Variants in SUGCT observed in about 807,000 individuals in gnomAD.
SUGCT encodes the protein succinyl-CoA:glutarate CoA-transferase.
A neutral mutation model predicts 55.0 loss-of-function variants in SUGCT; 41 were observed. That is an observed-to-expected ratio of 0.74 (90% CI 0.58 to 0.97). The LOEUF (loss-of-function observed/expected upper bound fraction) is 0.97, where lower values mean the gene tolerates loss of function less well. Among genes scored for constraint, SUGCT ranks in the 50% least tolerant of loss-of-function variants. The probability of loss-of-function intolerance (pLI) is 0.00; values close to 1 mark genes in which losing one functional copy is unlikely to be tolerated. For synonymous variants in SUGCT, 187 were observed against 200.4 expected (o/e 0.93, Z 0.56); for missense variants, 568 against 547.8 (o/e 1.04, Z -0.37).
chr7:40,624,135 G>T (rs76616295), intron 12 of SUGCT, among the ~76,000 whole-genome samples: 1 of 152,078 alleles, frequency 6.6e-6, no homozygotes, highest in Non-Finnish European at 1.5e-5. Context: ...GAAGGAGAAC[G>T]TTGCTTCCCT....
chr7:40,382,015 C>G (rs11766930), intron 9 of SUGCT, among the ~76,000 whole-genome samples: 72,732 of 146,414 alleles, frequency 0.5, 17,596 homozygotes, highest in South Asian at 0.61. Context: ...GTGTGTGTGT[C>G]TGTGTGTGTG....
chr7:40,342,199 C>A (rs937511201), intron 9 of SUGCT, among the ~76,000 whole-genome samples: 4 of 152,206 alleles, frequency 2.6e-5, no homozygotes, highest in African/African-American at 9.7e-5. Context: ...TTTTGAACCT[C>A]TCTAATTGTC....
intron 9 of SUGCT, among the ~76,000 whole-genome samples, chr7:40,347,711 T>C (rs557003079): frequency 2.6e-5 from 4 of 152,362 alleles, no homozygotes; most frequent in African/African-American, 7.2e-5. Flanking sequence ...AGTTTAGTTA[T>C]AGCTGTTGAT....
chr7:40,148,220 T>G (rs1788367465), intron 1 of SUGCT, among the ~76,000 whole-genome samples: 1 of 151,520 alleles, frequency 6.6e-6, no homozygotes, highest in Non-Finnish European at 1.5e-5. Context: ...TATGAGGAAG[T>G]TAAGTTTAAA....
At chr7:40,744,069 A>G (rs1584373224) in intron 12 of SUGCT, among the ~76,000 whole-genome samples, 1 of 149,582 alleles carries the variant, frequency 6.7e-6, no homozygotes, top group East Asian at 2.0e-4. Flanking sequence ...TTACAGGCAC[A>G]CACCACCACA....
intron 12 of SUGCT, among the ~76,000 whole-genome samples, chr7:40,573,917 A>G (rs1796584388): frequency 6.6e-6 from 1 of 152,056 alleles, no homozygotes; most frequent in East Asian, 1.9e-4. Context: ...TCTGCTTAAA[A>G]CTGCCTGTTT....
intron 12 of SUGCT, among the ~76,000 whole-genome samples, chr7:40,737,933 CA>C (rs1295200224): frequency 6.8e-6 from 1 of 146,354 alleles, no homozygotes; most frequent in Non-Finnish European, 1.5e-5. Context: ...TCAAAAAAAA[CA>C]AAAAAAAAGG....
At chr7:40,908,125 C>T in the SUGCT span, among the ~76,000 whole-genome samples, 1 of 151,676 alleles carries the variant, frequency 6.6e-6, no homozygotes, top group Non-Finnish European at 1.5e-5. Context: ...CAACCTGTAA[C>T]CCCGGCACTT....
the SUGCT span, among the ~76,000 whole-genome samples, chr7:40,921,738 C>T: frequency 1.3e-5 from 2 of 152,168 alleles, no homozygotes; most frequent in Admixed American, 1.3e-4. Flanking sequence ...CTGTAACCTC[C>T]TGCTTTTCGT....
intron 9 of SUGCT, among the ~76,000 whole-genome samples, chr7:40,392,525 C>T (rs1202035328): frequency 6.6e-6 from 1 of 151,812 alleles, no homozygotes; most frequent in African/African-American, 2.4e-5. Flanking sequence ...TTACTTGTTA[C>T]TACAAATATC....
intron 13 of SUGCT, among the ~76,000 whole-genome samples, chr7:40,854,420 CT>C (rs1794039239): frequency 1.9e-4 from 1 of 5,320 alleles, no homozygotes; most frequent in African/African-American, 3.9e-4. Context: ...TCTTTCTTTC[CT>C]TTCTTTCTTT....
At chr7:40,301,103 C>A (rs976886930) in intron 8 of SUGCT, among the ~76,000 whole-genome samples, 4 of 152,140 alleles carry the variant, frequency 2.6e-5, no homozygotes, top group Admixed American at 2.6e-4. Context: ...TTATTATAAT[C>A]TCAGCATATC....
intron 12 of SUGCT, among the ~76,000 whole-genome samples, chr7:40,634,495 C>T (rs1156509093): frequency 3.3e-5 from 5 of 152,124 alleles, no homozygotes; most frequent in African/African-American, 7.2e-5. Flanking sequence ...GGCAAGATCC[C>T]GGACTTCTAC....
At chr7:40,910,365 C>G in the SUGCT span, among the ~76,000 whole-genome samples, 1 of 152,120 alleles carries the variant, frequency 6.6e-6, no homozygotes, top group Admixed American at 6.5e-5. Flanking sequence ...GAATTATAAA[C>G]TTAGGTTGGT....
intron 13 of SUGCT, among the ~76,000 whole-genome samples, chr7:40,811,376 T>C (rs1380411932): frequency 6.6e-6 from 1 of 152,220 alleles, no homozygotes; most frequent in African/African-American, 2.4e-5. Context: ...ATTTAAATGA[T>C]ACTGATTCTT....
intron 9 of SUGCT, among the ~76,000 whole-genome samples, chr7:40,394,672 C>T (rs1785623424): frequency 6.6e-6 from 1 of 152,178 alleles, no homozygotes; most frequent in Non-Finnish European, 1.5e-5. Flanking sequence ...CCAGCATCTC[C>T]CCAGTGCTTC....
chr7:40,598,518 A>G (rs1406646454), intron 12 of SUGCT, among the ~76,000 whole-genome samples: 1 of 152,160 alleles, frequency 6.6e-6, no homozygotes, highest in Non-Finnish European at 1.5e-5. Flanking sequence ...ATTCATGTAT[A>G]TAAATTTCTT....
chr7:40,359,212 G>A (rs1002709452), intron 9 of SUGCT, among the ~76,000 whole-genome samples: 6 of 151,954 alleles, frequency 3.9e-5, no homozygotes, highest in Non-Finnish European at 5.9e-5. Flanking sequence ...AGAGTTGTAT[G>A]TATATTTTTG....
At chr7:40,279,824 G>GT (rs1345767466) in intron 8 of SUGCT, among the ~76,000 whole-genome samples, 9 of 151,998 alleles carry the variant, frequency 5.9e-5, no homozygotes, top group Non-Finnish European at 8.8e-5. Context: ...TCAAAAAAGC[G>GT]TAACAGGAAA....
Sources: gnomAD v4.1 joint callset for allele counts (sites outside exome capture counted in the v4.1 genomes callset) on GRCh38, gnomAD v4.1.1 for gene constraint, MANE v1.5 for transcripts, NCBI Gene and HGNC (gene_info 2026-07-23, HGNC 2026-07-21) for gene names.